SLCO1B3: variants seen among roughly 807,000 people sequenced by gnomAD.
SLCO1B3 encodes solute carrier organic anion transporter family member 1B3.
In SLCO1B3, 72 loss-of-function variants were observed where a neutral mutation model predicts 71.8. The ratio of observed to expected loss-of-function variants is 1.00; its 90% CI spans 0.83 to 1.22. SLCO1B3 has a LOEUF of 1.22. Among genes scored for constraint, SLCO1B3 ranks in the 50% most tolerant of loss-of-function variants. The pLI, the probability that SLCO1B3 is intolerant of heterozygous loss-of-function variation, is 0.00. For synonymous variants in SLCO1B3, 298 were observed against 278.4 expected (o/e 1.07, Z -0.70); for missense variants, 911 against 819.7 (o/e 1.11, Z -1.36).
At chr12:20,895,140 T>C (rs959640696) in intron 13 of SLCO1B3, among the ~76,000 whole-genome samples, 11 of 152,264 alleles carry the variant, frequency 7.2e-5, no homozygotes, top group Admixed American at 7.2e-4. Flanking sequence ...TGAGTAAAAT[T>C]CAAGATGAGA....
At chr12:20,851,320 T>C (rs995784643) in intron 3 of SLCO1B3, among the ~76,000 whole-genome samples, 1 of 152,204 alleles carries the variant, frequency 6.6e-6, no homozygotes, top group Non-Finnish European at 1.5e-5. Flanking sequence ...TTTCACATAC[T>C]TATTAACATT....
At chr12:20,840,954 A>G (rs77539252) in intron 3 of SLCO1B3, among the ~76,000 whole-genome samples, 4,588 of 152,262 alleles carry the variant, frequency 0.03, 146 homozygotes, top group East Asian at 0.15. Flanking sequence ...AACATTTACT[A>G]TAAGATCCAG....
intron 1 of SLCO1B3, among the ~76,000 whole-genome samples, chr12:20,812,866 C>T (rs1005362970): frequency 1.1e-5 from 1 of 89,094 alleles, no homozygotes; most frequent in South Asian, 2.9e-4. Context: ...CCTTGCAAGT[C>T]GTTCAAAAAG....
At chr12:20,895,746 C>T (rs1217455205) in intron 13 of SLCO1B3, among the ~76,000 whole-genome samples, 1 of 152,192 alleles carries the variant, frequency 6.6e-6, no homozygotes, top group African/African-American at 2.4e-5. Flanking sequence ...CCCCACTAGG[C>T]AGTGCCCCAG....
intron 9 of SLCO1B3, among the ~76,000 whole-genome samples, chr12:20,876,977 C>T (rs1865592605): frequency 6.6e-6 from 1 of 152,014 alleles, no homozygotes; most frequent in African/African-American, 2.4e-5. Flanking sequence ...ACTACAGGCA[C>T]ACACTGCCAT....
chr12:20,875,945 G>A (rs2121293953), intron 9 of SLCO1B3, among the ~76,000 whole-genome samples: 1 of 152,006 alleles, frequency 6.6e-6, no homozygotes, highest in South Asian at 2.1e-4. Flanking sequence ...AAGTACTATG[G>A]TAGGTTATAT....
At chr12:20,879,710 G>T (rs956730433) in intron 11 of SLCO1B3, 79 bp downstream of exon 11, 1 of 925,162 alleles carries the variant, frequency 1.1e-6, no homozygotes, top group Admixed American at 3.0e-5. Flanking sequence ...AAATAAGGTA[G>T]AAAACAATTG....
chr12:20,832,598 C>G (rs1045604941), intron 3 of SLCO1B3, among the ~76,000 whole-genome samples: 1 of 152,182 alleles, frequency 6.6e-6, no homozygotes, highest in African/African-American at 2.4e-5. Context: ...CCACCAAGAT[C>G]CATATCCCAC....
intron 3 of SLCO1B3, among the ~76,000 whole-genome samples, chr12:20,850,948 C>T (rs955963332): frequency 2.6e-5 from 4 of 152,198 alleles, no homozygotes; most frequent in African/African-American, 9.6e-5. Context: ...CCCTTTTCTT[C>T]ACAACTTCAC....
At chr12:20,840,299 C>T (rs186760385) in intron 3 of SLCO1B3, among the ~76,000 whole-genome samples, 80 of 152,170 alleles carry the variant, frequency 5.3e-4, no homozygotes, top group Non-Finnish European at 9.1e-4. Flanking sequence ...AGGCACAGTC[C>T]GGAGAAGAGG....
chr12:20,867,727 T>TTAC (rs1394470144), intron 8 of SLCO1B3, among the ~76,000 whole-genome samples: 1 of 152,202 alleles, frequency 6.6e-6, no homozygotes. Flanking sequence ...GAAGAAGGAT[T>TTAC]GGTATCATAT....
intron 2 of SLCO1B3, among the ~76,000 whole-genome samples, chr12:20,815,443 C>G (rs1864176035): frequency 6.6e-6 from 1 of 151,958 alleles, no homozygotes; most frequent in African/African-American, 2.4e-5. Context: ...TCAAATTTCT[C>G]TCTATGAAAA....
chr12:20,852,576 T>C (rs1257235741), intron 3 of SLCO1B3, among the ~76,000 whole-genome samples: 1 of 152,230 alleles, frequency 6.6e-6, no homozygotes, highest in Non-Finnish European at 1.5e-5. Flanking sequence ...TTCCAATCTA[T>C]GAGAATTGAA....
Position 20,846,106 on chromosome 12 carries a change from A to T in SLCO1B3, c.85-8922A>T, listed in dbSNP as rs546677072. ...ACACATATTTATTTCACATATTCCA[A>T]TTTTTTTTCATTTTCATAGCTTACT... On this transcript the variant is annotated intron_variant, in intron 3 of 15. Coordinates refer to ENST00000381545, the MANE Select transcript of SLCO1B3 (RefSeq NM_019844.4). Among the ~76,000 whole-genome samples the T allele has an allele frequency of 8.1e-4, 122 of 151,548 alleles. 2 individuals carry two copies. The South Asian group carries it at 0.025, about 31-fold the overall frequency.
chr12:20,913,297 A>G (rs1016236148), intron 15 of SLCO1B3, among the ~76,000 whole-genome samples: 2 of 152,174 alleles, frequency 1.3e-5, no homozygotes, highest in African/African-American at 4.8e-5. Context: ...CATAGTAACT[A>G]TTTTTATACC....
chr12:20,885,397 A>T (rs1382659162), intron 13 of SLCO1B3, among the ~76,000 whole-genome samples: 1 of 152,144 alleles, frequency 6.6e-6, no homozygotes, highest in Non-Finnish European at 1.5e-5. Flanking sequence ...AACGAAAATG[A>T]TAAAACTTCA....
chr12:20,848,598 G>C (rs1864961686), intron 3 of SLCO1B3, among the ~76,000 whole-genome samples: 2 of 152,028 alleles, frequency 1.3e-5, no homozygotes, highest in African/African-American at 4.8e-5. Flanking sequence ...TCTTTCAATA[G>C]GTGAATAGGT....
intron 3 of SLCO1B3, among the ~76,000 whole-genome samples, chr12:20,832,255 T>A (rs568147992): frequency 6.6e-6 from 1 of 152,290 alleles, no homozygotes; most frequent in African/African-American, 2.4e-5. Context: ...ATATACAGAC[T>A]CAGTGGATGG....
At chr12:20,902,817 C>T (rs2120393464) in intron 15 of SLCO1B3, among the ~76,000 whole-genome samples, 1 of 152,172 alleles carries the variant, frequency 6.6e-6, no homozygotes, top group Admixed American at 6.5e-5. Context: ...AACTGTAATC[C>T]TAGCACTTTG....
Sources: allele counts gnomAD v4.1 joint callset (sites outside exome capture counted in the v4.1 genomes callset), GRCh38; gene constraint gnomAD v4.1.1; transcripts MANE v1.5; gene names NCBI Gene and HGNC (gene_info 2026-07-23, HGNC 2026-07-21).